Variants in RORA observed in about 807,000 individuals in gnomAD.
RORA encodes the protein RAR related orphan receptor A.
In RORA, 7 loss-of-function variants were observed where a neutral mutation model predicts 69.5. That is an observed-to-expected ratio of 0.10 (90% CI 0.06 to 0.19). The LOEUF is 0.19. Among genes scored for constraint, RORA ranks in the 10% least tolerant of loss-of-function variants. RORA has a pLI of 1.00. For missense variants in RORA, 457 were observed against 663.0 expected (o/e 0.69, Z 3.41); for synonymous variants, 261 against 240.8 (o/e 1.08, Z -0.78).
At chr15:61,033,105 T>G (rs1896259333) in intron 1 of RORA, among the ~76,000 whole-genome samples, 1 of 152,140 alleles carries the variant, frequency 6.6e-6, no homozygotes, top group Admixed American at 6.5e-5. Flanking sequence ...GCTATCAGAT[T>G]ATAAAAGTCC....
intron 2 of RORA, chr15:60,600,855 A>G (rs1771935575): frequency 6.6e-6 from 1 of 152,050 alleles, no homozygotes; most frequent in Non-Finnish European, 1.5e-5. Flanking sequence ...TACCTCTCCT[A>G]CTGGTTAACT....
At chr15:61,207,145 T>C (rs1040557371) in intron 1 of RORA, among the ~76,000 whole-genome samples, 1 of 152,054 alleles carries the variant, frequency 6.6e-6, no homozygotes, top group African/African-American at 2.4e-5. Context: ...CACACATGCA[T>C]ATATACACAC....
chr15:60,789,623 G>C (rs1023307749), intron 1 of RORA, among the ~76,000 whole-genome samples: 2 of 152,210 alleles, frequency 1.3e-5, no homozygotes, highest in African/African-American at 4.8e-5. Context: ...GGCAGCTGAA[G>C]TTTAAGCAAG....
At chr15:60,892,975 C>T (rs1428201825) in intron 1 of RORA, among the ~76,000 whole-genome samples, 2 of 152,214 alleles carry the variant, frequency 1.3e-5, no homozygotes, top group African/African-American at 4.8e-5. Context: ...TGCCCACCCC[C>T]TCTCCCATTG....
intron 1 of RORA, among the ~76,000 whole-genome samples, chr15:60,860,679 C>T (rs944216582): frequency 3.3e-5 from 5 of 152,184 alleles, no homozygotes; most frequent in African/African-American, 1.2e-4. Context: ...TTGTGACACA[C>T]TAAACAAGTA....
At chr15:60,825,731 T>C (rs73428355) in intron 1 of RORA, among the ~76,000 whole-genome samples, 6,387 of 152,268 alleles carry the variant, frequency 0.042, 359 homozygotes, top group African/African-American at 0.12. Flanking sequence ...TTCTGTGACA[T>C]ACAGGAATTG....
At chr15:60,631,902 C>A (rs2069745614) in intron 2 of RORA, among the ~76,000 whole-genome samples, 1 of 152,182 alleles carries the variant, frequency 6.6e-6, no homozygotes. Flanking sequence ...GCTATCAACT[C>A]CTTTACAAGG....
At chr15:60,718,037 G>A (rs116176100) in intron 1 of RORA, among the ~76,000 whole-genome samples, 1 of 151,978 alleles carries the variant, frequency 6.6e-6, no homozygotes, top group Non-Finnish European at 1.5e-5. Context: ...GACCTCAAGT[G>A]ATCCACCCAC....
At chr15:61,120,964 C>T (rs1246663602) in intron 1 of RORA, among the ~76,000 whole-genome samples, 8 of 151,740 alleles carry the variant, frequency 5.3e-5, no homozygotes, top group African/African-American at 1.9e-4. Context: ...TCTCCTGTCT[C>T]AGCTTCCCCA....
At chr15:60,651,973 A>G (rs962280008) in intron 2 of RORA, among the ~76,000 whole-genome samples, 1 of 152,282 alleles carries the variant, frequency 6.6e-6, no homozygotes, top group East Asian at 1.9e-4. Flanking sequence ...TGGCTTAAGA[A>G]AGTGTAGCCC....
intron 1 of RORA, among the ~76,000 whole-genome samples, chr15:60,881,866 AGAT>A (rs1291130129): frequency 6.6e-6 from 1 of 152,334 alleles, no homozygotes; most frequent in East Asian, 1.9e-4. Flanking sequence ...TGAAAAATAA[AGAT>A]GATAAGTATG....
chr15:61,042,892 T>C (rs1256766738), intron 1 of RORA, among the ~76,000 whole-genome samples: 1 of 152,186 alleles, frequency 6.6e-6, no homozygotes, highest in Non-Finnish European at 1.5e-5. Context: ...ACTCTCCCCT[T>C]CTAAAGCAAT....
At chr15:60,999,653 A>ATC (rs1414388446) in intron 1 of RORA, among the ~76,000 whole-genome samples, 1 of 152,086 alleles carries the variant, frequency 6.6e-6, no homozygotes, top group African/African-American at 2.4e-5. Context: ...CTTCCTGTAC[A>ATC]TCTGTCTGTG....
At chr15:61,166,350 T>C (rs146551269) in intron 1 of RORA, among the ~76,000 whole-genome samples, 4 of 152,160 alleles carry the variant, frequency 2.6e-5, no homozygotes, top group African/African-American at 9.6e-5. Flanking sequence ...ACCAGAATAA[T>C]TTCCCCACGT....
chr15:60,972,271 A>G (rs1021700591), intron 1 of RORA, among the ~76,000 whole-genome samples: 2 of 152,246 alleles, frequency 1.3e-5, no homozygotes, highest in Non-Finnish European at 2.9e-5. Flanking sequence ...ATGTGAGCAC[A>G]AGGAATAATA....
At chr15:61,052,847 T>C (rs1186400881) in intron 1 of RORA, among the ~76,000 whole-genome samples, 1 of 152,082 alleles carries the variant, frequency 6.6e-6, no homozygotes, top group African/African-American at 2.4e-5. Flanking sequence ...TACAGTTGGC[T>C]TGGATGTACC....
intron 1 of RORA, among the ~76,000 whole-genome samples, chr15:61,142,542 G>A (rs570395563): frequency 2.2e-5 from 2 of 88,920 alleles, no homozygotes; most frequent in African/African-American, 6.3e-5. Flanking sequence ...TTTCAAACCT[G>A]ACAAAAATAA....
intron 2 of RORA, among the ~76,000 whole-genome samples, chr15:60,668,764 C>G (rs1275237624): frequency 6.6e-6 from 1 of 152,216 alleles, no homozygotes; most frequent in African/African-American, 2.4e-5. Flanking sequence ...ATTCATTATA[C>G]TGGAGACTAA....
intron 2 of RORA, among the ~76,000 whole-genome samples, chr15:60,587,443 G>T (rs1225946988): frequency 6.6e-6 from 1 of 152,116 alleles, no homozygotes; most frequent in Non-Finnish European, 1.5e-5. Flanking sequence ...GCTTCCTCCA[G>T]GGGAGGCATG....
Sources: gnomAD v4.1 joint callset for allele counts (sites outside exome capture counted in the v4.1 genomes callset) on GRCh38, gnomAD v4.1.1 for gene constraint, MANE v1.5 for transcripts, NCBI Gene and HGNC (gene_info 2026-07-23, HGNC 2026-07-21) for gene names.